Variants in CFDP1 observed in about 807,000 individuals in gnomAD.
The protein encoded by CFDP1 is chromatin remodeling protein CFDP1, also known as heterochromatin-stabilizing protein CFDP1.
Under a neutral mutation model 40.1 loss-of-function variants are expected in CFDP1, and 31 were observed. That is an observed-to-expected ratio of 0.77 (90% CI 0.58 to 1.04). CFDP1 has a LOEUF of 1.04. CFDP1 is among the 50% of genes least tolerant of loss of function. CFDP1 has a pLI of 0.00. For missense variants in CFDP1, 423 were observed against 343.4 expected, an observed-to-expected ratio of 1.23 and a Z score of -1.83; for synonymous variants, 167 against 120.0, an observed-to-expected ratio of 1.39 and a Z score of -2.56.
At chr16:75,421,854 C>T (rs1028417229) in intron 1 of CFDP1, among the ~76,000 whole-genome samples, 2 of 152,142 alleles carry the variant, frequency 1.3e-5, no homozygotes, top group Non-Finnish European at 2.9e-5. Context: ...AGATCTCCCC[C>T]ACCCCACACC....
chr16:75,311,166 C>G (rs776404336), intron 5 of CFDP1, among the ~76,000 whole-genome samples: 1 of 152,112 alleles, frequency 6.6e-6, no homozygotes, highest in African/African-American at 2.4e-5. Context: ...GTTAAGAAAC[C>G]TGCCCAAGTT....
At chr16:75,375,888 C>A (rs920396861) in intron 5 of CFDP1, among the ~76,000 whole-genome samples, 4 of 151,800 alleles carry the variant, frequency 2.6e-5, no homozygotes, top group Non-Finnish European at 1.5e-5. Flanking sequence ...TAAAATGGTA[C>A]AACCATCTTG....
chr16:75,323,509 A>T (rs2078380603), intron 5 of CFDP1, among the ~76,000 whole-genome samples: 1 of 152,020 alleles, frequency 6.6e-6, no homozygotes, highest in East Asian at 1.9e-4. Context: ...GGCTGGGTAC[A>T]GTGGCTCACG....
chr16:75,341,636 A>C (rs2078527685), intron 5 of CFDP1, among the ~76,000 whole-genome samples: 3 of 151,824 alleles, frequency 2.0e-5, no homozygotes, highest in African/African-American at 7.3e-5. Context: ...TTGACAGCAG[A>C]AGGTTTCAGC....
At chr16:75,313,012 T>C (rs992671245) in intron 5 of CFDP1, among the ~76,000 whole-genome samples, 1 of 152,206 alleles carries the variant, frequency 6.6e-6, no homozygotes, top group East Asian at 1.9e-4. Context: ...GTCTCAGTAC[T>C]AGCACCAAGA....
At chr16:75,360,957 A>G (rs577435020) in intron 5 of CFDP1, among the ~76,000 whole-genome samples, 1 of 152,254 alleles carries the variant, frequency 6.6e-6, no homozygotes, top group Admixed American at 6.5e-5. Context: ...ACATCATCCA[A>G]TGTTAAGATA....
chr16:75,419,075 G>A (rs2079246133), intron 1 of CFDP1: 1 of 420,336 alleles, frequency 2.4e-6, no homozygotes. Context: ...CCCAGGAATT[G>A]AAGGCTACAG....
At chr16:75,402,968 G>A (rs1257617360) in intron 4 of CFDP1, among the ~76,000 whole-genome samples, 1 of 151,938 alleles carries the variant, frequency 6.6e-6, no homozygotes, top group Non-Finnish European at 1.5e-5. Flanking sequence ...GTATCATTTT[G>A]AAATATAAAA....
rs371430024 is a variant in CFDP1 at position 75,428,999 on chromosome 16, C to T, written c.64+4290G>A. ...AGGCGTGGTGGCATGAACCTGTAGTCCCAGCCACTCCGGAGGCTGAGGTGG... is the reference window on the plus strand; with the variant it reads ...AGGCGTGGTGGCATGAACCTGTAGTTCCAGCCACTCCGGAGGCTGAGGTGG... On this transcript the variant is annotated intron_variant, in intron 1 of 6. Coordinates refer to ENST00000283882, the MANE Select transcript of CFDP1 (RefSeq NM_006324.3). 1.4e-4 allele frequency among the ~76,000 whole-genome samples: 20 copies of T among 140,076 alleles called. 3 individuals carry two copies. The highest frequency in any genetic ancestry group is 8.0e-4 in the Admixed American group (10 of 12,562). The allele number at this position is 140,076 out of a possible 152,430, so 91.9% of individuals were successfully genotyped here.
intron 4 of CFDP1, among the ~76,000 whole-genome samples, chr16:75,401,191 G>C (rs1384522931): frequency 6.6e-6 from 1 of 152,122 alleles, no homozygotes; most frequent in Non-Finnish European, 1.5e-5. Flanking sequence ...CACTTTGGGA[G>C]GCCGAGGTGG....
chr16:75,354,734 G>A (rs188728527), intron 5 of CFDP1, among the ~76,000 whole-genome samples: 2 of 152,118 alleles, frequency 1.3e-5, no homozygotes, highest in Non-Finnish European at 2.9e-5. Context: ...AATGCAACAG[G>A]GTATCCGCAA....
At chr16:75,338,718 T>C (rs1051645045) in intron 5 of CFDP1, among the ~76,000 whole-genome samples, 3 of 152,182 alleles carry the variant, frequency 2.0e-5, no homozygotes, top group South Asian at 4.1e-4. Flanking sequence ...TTCTATAAAA[T>C]AGGGATTATG....
At chr16:75,352,484 T>G (rs1010771189) in intron 5 of CFDP1, among the ~76,000 whole-genome samples, 1 of 152,002 alleles carries the variant, frequency 6.6e-6, no homozygotes, top group African/African-American at 2.4e-5. Flanking sequence ...AACAAATAAA[T>G]GAAGAAATGA....
At chr16:75,399,056 C>CAAA (rs58692180) in intron 4 of CFDP1, among the ~76,000 whole-genome samples, 8 of 98,042 alleles carry the variant, frequency 8.2e-5, no homozygotes, top group South Asian at 3.4e-4. Flanking sequence ...GACTCCGTCT[C>CAAA]AAAAAAAAAA....
chr16:75,433,303 T>G lies in CFDP1; in HGVS notation c.50A>C (p.Asp17Ala). The change falls in exon 1 of 7, where the codon GAC (aspartate) becomes GCC (alanine). Residue 17 changes from aspartate to alanine, a missense_variant. Coordinates refer to ENST00000283882, the MANE Select transcript of CFDP1 (RefSeq NM_006324.3). ...GAATCGCTCACCCGACGGCACGTAG[T>G]CCTCGTCCTCCTCCGACGTAGAGAA... ...EDFSTSEEDE[D>A]YVPSGGEYSE... 2.5e-6 allele frequency: 4 copies of G among 1,600,632 alleles called. No individual in the cohort carries two copies. The highest frequency in any genetic ancestry group is 3.4e-6 in the Non-Finnish European group (4 of 1,174,804).
At chr16:75,315,770 G>T (rs1044885977) in intron 5 of CFDP1, among the ~76,000 whole-genome samples, 9 of 152,088 alleles carry the variant, frequency 5.9e-5, no homozygotes, top group African/African-American at 2.2e-4. Flanking sequence ...TATCTCCCAA[G>T]GACACTTTCC....
intron 5 of CFDP1, among the ~76,000 whole-genome samples, chr16:75,349,938 T>C (rs986710759): frequency 6.6e-6 from 1 of 151,642 alleles, no homozygotes; most frequent in Non-Finnish European, 1.5e-5. Flanking sequence ...ATGGCATGAG[T>C]AGACATACTT....
At chr16:75,424,530 C>A (rs572755712) in intron 1 of CFDP1, among the ~76,000 whole-genome samples, 2 of 151,966 alleles carry the variant, frequency 1.3e-5, no homozygotes, top group Admixed American at 6.6e-5. Context: ...CTGAGGCGGG[C>A]GGATCACGAG....
At position 75,293,911 on chromosome 16, in the gene CFDP1, T is replaced by C. The variant is rs539480885; in HGVS notation, c.*41A>G. ...TTCACAGACGCACAAAAAGCTCACA[T>C]TGTAAACAGGATTAAGCTGCTCTTG... is the stretch of plus-strand genomic sequence containing the variant. On this transcript the variant is annotated 3_prime_UTR_variant, in exon 7 of 7. Coordinates refer to ENST00000283882, the MANE Select transcript of CFDP1 (RefSeq NM_006324.3). 9 of 1,517,216 alleles carry C rather than the reference T, an allele frequency of 5.9e-6. No individual in the cohort carries two copies. The highest frequency in any genetic ancestry group is 1.4e-5 in the African/African-American group (1 of 73,114). The allele number at this position is 1,517,216 out of a possible 1,614,324, so 94.0% of individuals were successfully genotyped here. A position where few individuals can be genotyped will look rare whatever the true frequency, so the allele number is the denominator to read the frequency against.
Sources: gnomAD v4.1 joint callset for allele counts (sites outside exome capture counted in the v4.1 genomes callset) on GRCh38, gnomAD v4.1.1 for gene constraint, MANE v1.5 for transcripts, NCBI Gene and HGNC (gene_info 2026-07-23, HGNC 2026-07-21) for gene names.